Variants in AHNAK2 observed in about 807,000 individuals in gnomAD.
AHNAK2 encodes protein AHNAK2.
AHNAK2 carries 18 observed loss-of-function variants against 30.7 expected under a neutral mutation model. That is an observed-to-expected ratio of 0.59 (90% CI 0.41 to 0.87). AHNAK2 has a LOEUF of 0.87. Ranked by LOEUF, AHNAK2 falls within the 40% of genes least tolerant of loss-of-function variation. The pLI is 0.00. For missense variants in AHNAK2, 8,604 were observed against 7,373.0 expected (o/e 1.17, Z -6.11); for synonymous variants, 3,590 against 3,073.8 (o/e 1.17, Z -5.56).
chr14:104,944,578 A>T lies in AHNAK2; in HGVS notation c.10873T>A (p.Ser3625Thr). The change falls in exon 7 of 7, where the codon TCC becomes ACC. Residue 3625 changes from serine to threonine, a missense_variant. Physicochemically the swap from Ser to Thr is moderately conservative, Grantham distance 58. Transcript: ENST00000333244. The part of the protein sequence containing the change: ...LDAGRLEGDL[S>T]LADKDVTAKD... The stretch of plus-strand genomic sequence containing the variant: ...GCAGTCACGTCCTTGTCAGCCAGGG[A>T]CAGGTCTCCCTCCAGCCGCCCAGCA... The T allele has an allele frequency of 6.2e-7, 1 of 1,612,988 alleles. No individual in the cohort carries two copies. The highest frequency in any genetic ancestry group is 8.5e-7 in the Non-Finnish European group (1 of 1,179,590).
rs1167118638 is a variant in AHNAK2, at chr14:104,948,180, T to C, written c.7271A>G (p.Lys2424Arg). The C allele has an allele frequency of 1.2e-6, 2 of 1,612,618 alleles. No individual in the cohort carries two copies. The highest frequency in any genetic ancestry group is 1.7e-6 in the Non-Finnish European group (2 of 1,179,574). ...VDLKGPQIDV[K>R]GPKLDLKGPK... The stretch of plus-strand genomic sequence containing the variant: ...GCCTTTCAGGTCCAGCTTGGGGCCC[T>C]TGACATCTATCTGGGGGCCCTTGAG... The change falls in exon 7 of 7, where the codon AAG (lysine) becomes AGG (arginine). Residue 2424 changes from lysine to arginine, a missense_variant. Coordinates refer to ENST00000333244, the MANE Select transcript of AHNAK2 (RefSeq NM_138420.4).
intron 1 of AHNAK2, among the ~76,000 whole-genome samples, chr14:104,976,056 G>T (rs527381497): frequency 6.6e-6 from 1 of 152,298 alleles, no homozygotes; most frequent in African/African-American, 2.4e-5. Flanking sequence ...TTTCTTGGGG[G>T]GTCGTGGGAG....
chr14:104,943,952 C>T lies in AHNAK2; in HGVS notation c.11499G>A (p.Val3833=). 1 of 1,612,872 alleles carries T rather than the reference C, an allele frequency of 6.2e-7. No homozygotes were observed. The highest frequency in any genetic ancestry group is 8.5e-7 in the Non-Finnish European group (1 of 1,179,472). ...TGGAGGGGAGACTCACATCGGCCTCCACCTTGGGTGCAGACACGTGCACCG... is the reference window on the plus strand; with the variant it reads ...TGGAGGGGAGACTCACATCGGCCTCTACCTTGGGTGCAGACACGTGCACCG... ...EASVHVSAPK[V]EADVSLPSMQ... The change falls in exon 7 of 7, where the codon GTG becomes GTA. Residue 3833 remains valine (V), a synonymous_variant. Coordinates refer to ENST00000333244, the MANE Select transcript of AHNAK2 (RefSeq NM_138420.4).
Position 104,950,297 on chromosome 14 carries a change from C to A in AHNAK2, c.5154G>T (p.Gln1718His), listed in dbSNP as rs374228427. Residue 1718 changes from glutamine to histidine, a missense_variant, in exon 7 of 7, where the codon CAG (glutamine) becomes CAT (histidine). Coordinates refer to ENST00000333244, the MANE Select transcript of AHNAK2 (RefSeq NM_138420.4). ...GGAGTTTCACGTTCACTTGGCCAGC[C>A]TGGACCTCCAGGTCGGCGGAAGGGG... ...IQSPSADLEV[Q>H]AGQVNVKLPE... 15 of 1,584,898 alleles carry A rather than the reference C, an allele frequency of 9.5e-6. 1 individual carries two copies. Among genetic ancestry groups the A allele is most frequent in the Admixed American group, 1.7e-5 (1 of 57,244 alleles).
At position 104,951,650 on chromosome 14, in the gene AHNAK2, T is replaced by A. The variant is rs769156559; in HGVS notation, c.3801A>T (p.Glu1267Asp). The change falls in exon 7 of 7, where the codon GAA (glutamate) becomes GAT (aspartate). Residue 1267 changes from glutamate (E) to aspartate (D), a missense_variant. Transcript: ENST00000333244. ...PKVDLKGPQVEVRGPKLDLKG... is the reference protein window; with the variant it reads ...PKVDLKGPQVDVRGPKLDLKG... ...TCAGGTCCAGCTTGGGGCCCCTGAC[T>A]TCCACCTGGGGGCCCTTGAGGTCCA... 10 of 1,240,058 alleles carry A rather than the reference T, an allele frequency of 8.1e-6. 2 individuals are homozygous for A. Among genetic ancestry groups the A allele is most frequent in the African/African-American group, 5.8e-5 (4 of 68,594 alleles). 76.8% of individuals were successfully genotyped at this position (1,240,058 alleles called of 1,614,324 possible).
Position 104,948,172 on chromosome 14 carries a change from T to G in AHNAK2, c.7279A>C (p.Lys2427Gln), listed in dbSNP as rs749872526. The change falls in exon 7 of 7, where the codon AAG becomes CAG. Residue 2427 changes from lysine (K) to glutamine (Q), a missense_variant. Lys to Gln is a moderately conservative substitution (Grantham distance 53). Transcript: ENST00000333244. Reference sequence around the variant, plus strand: ...GTCTTGGGGCCTTTCAGGTCCAGCTTGGGGCCCTTGACATCTATCTGGGGG... The same window carrying G: ...GTCTTGGGGCCTTTCAGGTCCAGCTGGGGGCCCTTGACATCTATCTGGGGG... ...KGPQIDVKGP[K>Q]LDLKGPKTDV... 5.0e-6 allele frequency: 8 copies of G among 1,612,644 alleles called. No homozygotes were observed. The South Asian group carries it at 7.7e-5, about 15-fold the overall frequency.
intron 1 of AHNAK2, 106 bp from the exon 2 acceptor site, chr14:104,957,778 C>G (rs1010025729): frequency 1.1e-5 from 13 of 1,152,224 alleles, no homozygotes; most frequent in African/African-American, 1.5e-5. Flanking sequence ...TGTCATAGTC[C>G]TTTCCTGGAC....
At position 104,944,843 on chromosome 14, in the gene AHNAK2, T is replaced by G. The variant is rs116922515; in HGVS notation, c.10608A>C (p.Gln3536His). Residue 3536 changes from glutamine to histidine, a missense_variant, in exon 7 of 7, where the codon CAA (glutamine) becomes CAC (histidine). Transcript: ENST00000333244. The part of the protein sequence containing the change: ...PSADLEVQAV[Q>H]VDVELLEGPV... ...GGCCCTCCAGGAGTTCCACATCCAC[T>G]TGGACAGCCTGGACCTCCAGGTCAG... 6.2e-7 allele frequency: 1 copy of G among 1,610,250 alleles called. No individual in the cohort carries two copies. Among genetic ancestry groups the G allele is most frequent in the East Asian group, 2.2e-5 (1 of 44,478 alleles).
Position 104,941,327 on chromosome 14 carries a change from T to A in AHNAK2, c.14124A>T (p.Lys4708Asn), listed in dbSNP as rs1897977418. ...KFKKLHFKVPKVSFSSTKTPK... is the reference protein window; with the variant it reads ...KFKKLHFKVPNVSFSSTKTPK... ...GAGTTTTGGTAGAAGAAAATGAAAC[T>A]TTGGGCACTTTAAAATGCAGTTTCT... The change falls in exon 7 of 7, where the codon AAA becomes AAT. Residue 4708 changes from lysine (K) to asparagine (N), a missense_variant. Transcript: ENST00000333244. The A allele has an allele frequency of 6.2e-7, 1 of 1,613,600 alleles. No homozygotes were observed. The highest frequency in any genetic ancestry group is 8.5e-7 in the Non-Finnish European group (1 of 1,179,892).
rs1471089005 is a variant in AHNAK2, at chr14:104,941,512, T to C, written c.13939A>G (p.Met4647Val). ...TTTCCTTCGATTTCAGAGGAAGACA[T>C]GGAAACTTTCTTTGACGACCATTCA... ...GFEWSSKKVS[M>V]SSSEIEGNVT... is the part of the protein sequence containing the mutation. Residue 4647 changes from methionine to valine, a missense_variant, in exon 7 of 7, where the codon ATG becomes GTG. Met to Val is a conservative substitution (Grantham distance 21). Transcript: ENST00000333244. 2.5e-6 allele frequency: 4 copies of C among 1,613,014 alleles called. No individual in the cohort carries two copies. The highest frequency in any genetic ancestry group is 3.4e-6 in the Non-Finnish European group (4 of 1,179,846).
rs755020096 is a variant in AHNAK2, at chr14:104,947,905, C to G, written c.7546G>C (p.Asp2516His). 6.2e-7 allele frequency: 1 copy of G among 1,612,472 alleles called. No homozygotes were observed. Among genetic ancestry groups the G allele is most frequent in the African/African-American group, 1.3e-5 (1 of 74,350 alleles). ...VDVSAPKVEADGSLSSMQGDL... is the reference protein window; with the variant it reads ...VDVSAPKVEAHGSLSSMQGDL... ...CCCTGCATGGAGGAGAGGCTCCCGT[C>G]GGCCTCCACCTTCGGCGCAGACACA... The change falls in exon 7 of 7, where the codon GAC (aspartate) becomes CAC (histidine). Residue 2516 changes from aspartate (D) to histidine (H), a missense_variant. By Grantham distance (81) the Asp-to-His change is moderately conservative (BLOSUM62 -1). Coordinates refer to ENST00000333244, the MANE Select transcript of AHNAK2 (RefSeq NM_138420.4).
Position 104,972,626 on chromosome 14 carries a change from C to A in AHNAK2, c.55+5557G>T, listed in dbSNP as rs553017756. 6.6e-5 allele frequency among the ~76,000 whole-genome samples: 10 copies of A among 152,368 alleles called. 1 individual carries two copies. Among genetic ancestry groups the A allele is most frequent in the African/African-American group, 2.4e-4 (10 of 41,590 alleles). ...CCCTTCCCAGACCCTCGCTGCAGTG[C>A]GGCCAGTGTGGTCCGCCAAGCCCTG... On this transcript the variant is annotated intron_variant, in intron 1 of 6. Transcript: ENST00000333244.
In AHNAK2 at chr14:104,947,249, C is replaced by T; in HGVS notation, c.8202G>A (p.Leu2734=). ...GAGLKGHLPK[L]QMPSFKMPEV... ...CAGGCATCTTGAAACTGGGCATCTG[C>T]AGCTTGGGCAGGTGCCCTTTGAGGC... The change falls in exon 7 of 7, where the codon CTG becomes CTA. Residue 2734 remains leucine (L), a synonymous_variant. Transcript: ENST00000333244. The T allele has an allele frequency of 1.9e-6, 3 of 1,611,716 alleles. No homozygotes were observed. The African/African-American group carries it at 4.1e-5, about 22-fold the overall frequency.
In AHNAK2 at chr14:104,948,077, G is replaced by A. The variant is rs2819431; in HGVS notation, c.7374C>T (p.Ala2458=). The change falls in exon 7 of 7, where the codon GCC becomes GCT. Residue 2458 remains alanine, a synonymous_variant. Coordinates refer to ENST00000333244, the MANE Select transcript of AHNAK2 (RefSeq NM_138420.4). The part of the protein sequence containing the change: ...SVEVDVEAPG[A]KLDGAWLEGD... ...CCTCCAGCCACGCACCATCCAGCTTGGCTCCCGGGGCCTCGACATCCACCT... is the reference window on the plus strand; with the variant it reads ...CCTCCAGCCACGCACCATCCAGCTTAGCTCCCGGGGCCTCGACATCCACCT... The A allele has an allele frequency of 3.9e-3, 6,318 of 1,611,354 alleles. 342 individuals are homozygous for A. The African/African-American group carries it at 0.068, about 17-fold the overall frequency.
At position 104,944,829 on chromosome 14, in the gene AHNAK2, A is replaced by C; in HGVS notation, c.10622T>G (p.Leu3541Arg). The change falls in exon 7 of 7, where the codon CTC (leucine) becomes CGC (arginine). Residue 3541 changes from leucine (L) to arginine (R), a missense_variant. By Grantham distance (102) the Leu-to-Arg change is moderately radical (BLOSUM62 -2). Transcript: ENST00000333244. ...EVQAVQVDVE[L>R]LEGPVPEGAG... ...TCCCTCGGGCACGGGGCCCTCCAGG[A>C]GTTCCACATCCACTTGGACAGCCTG... 6.2e-7 allele frequency: 1 copy of C among 1,612,474 alleles called. No individual in the cohort carries two copies. Among genetic ancestry groups the C allele is most frequent in the Non-Finnish European group, 8.5e-7 (1 of 1,179,442 alleles).
In AHNAK2 at chr14:104,938,497, T is replaced by A. The variant is rs928090131; in HGVS notation, c.16954A>T (p.Ile5652Phe). The change falls in exon 7 of 7, where the codon ATT (isoleucine) becomes TTT (phenylalanine). Residue 5652 changes from isoleucine (I) to phenylalanine (F), a missense_variant. Coordinates refer to ENST00000333244, the MANE Select transcript of AHNAK2 (RefSeq NM_138420.4). ...TCATCAACAGAAGAGGAAAACCCAA[T>A]GTTTGGAAGCCAAAACCAGAGCAGA... Reference protein sequence around the residue: ...SGLLWFWLPNIGFSSSVDETG... With the variant: ...SGLLWFWLPNFGFSSSVDETG... 3 of 1,613,654 alleles carry A rather than the reference T, an allele frequency of 1.9e-6. No individual in the cohort carries two copies. The highest frequency in any genetic ancestry group is 2.5e-6 in the Non-Finnish European group (3 of 1,179,852).
Position 104,978,286 on chromosome 14 carries a change from T to A in AHNAK2, c.-49A>T. 2.1e-6 allele frequency: 1 copy of A among 476,844 alleles called. No homozygotes were observed. Among genetic ancestry groups the A allele is most frequent in the Non-Finnish European group, 2.8e-6 (1 of 360,376 alleles). The allele number at this position is 476,844 out of a possible 1,614,324, so 29.5% of individuals were successfully genotyped here. A position where few individuals can be genotyped will look rare whatever the true frequency, so the allele number is the denominator to read the frequency against. ...CTGGCGGCCCGTCGCGTCCAGTCGC[T>A]GGTCCCGGCTCCGGCGCACGGGGCG... is the stretch of plus-strand genomic sequence containing the variant. On this transcript the variant is annotated 5_prime_UTR_variant, in exon 1 of 7. Transcript: ENST00000333244.
Position 104,942,337 on chromosome 14 carries a change from G to T in AHNAK2, c.13114C>A (p.His4372Asn). The part of the protein sequence containing the change: ...EDVKLPEGPV[H>N]EGAGLKGHLP... ...TGCCCTTTGAGGCCGGCTCCCTCAT[G>T]CACAGGGCCCTCTGGGAGTTTCACA... The change falls in exon 7 of 7, where the codon CAT becomes AAT. Residue 4372 changes from histidine to asparagine, a missense_variant. Physicochemically the swap from His to Asn is moderately conservative, Grantham distance 68 (BLOSUM62 1). Coordinates refer to ENST00000333244, the MANE Select transcript of AHNAK2 (RefSeq NM_138420.4). The T allele has an allele frequency of 6.2e-7, 1 of 1,613,166 alleles. No homozygotes were observed. Among genetic ancestry groups the T allele is most frequent in the Non-Finnish European group, 8.5e-7 (1 of 1,179,776 alleles).
chr14:104,949,586 C>A lies in AHNAK2; in HGVS notation c.5865G>T (p.Glu1955Asp). ...TAGCCTTCTGGGCCTGGACATCCAC[C>A]TCCATGCTGGGCAGAGACACCTCGA... Reference protein sequence around the residue: ...PDVEVSLPSMEVDVQAQKAKL... With the variant: ...PDVEVSLPSMDVDVQAQKAKL... The change falls in exon 7 of 7, where the codon GAG becomes GAT. Residue 1955 changes from glutamate (E) to aspartate (D), a missense_variant. Transcript: ENST00000333244. 3 of 1,589,170 alleles carry A rather than the reference C, an allele frequency of 1.9e-6. 1 individual carries two copies. The highest frequency in any genetic ancestry group is 2.6e-6 in the Non-Finnish European group (3 of 1,163,442).
Sources: gnomAD v4.1 joint callset for allele counts (sites outside exome capture counted in the v4.1 genomes callset) on GRCh38, gnomAD v4.1.1 for gene constraint, MANE v1.5 for transcripts, NCBI Gene and HGNC (gene_info 2026-07-23, HGNC 2026-07-21) for gene names.